The following GPR158 variants were observed in gnomAD, a reference collection of about 807,000 sequenced individuals.
GPR158 encodes G protein-coupled receptor 158.
In GPR158, 30 loss-of-function variants were observed where a neutral mutation model predicts 78.2. The ratio of observed to expected loss-of-function variants is 0.38; its 90% confidence interval spans 0.29 to 0.52. The LOEUF is 0.52. Ranked by LOEUF, GPR158 falls within the 20% of genes least tolerant of loss-of-function variation. The pLI, the probability that GPR158 is intolerant of heterozygous loss-of-function variation, is 0.83. For missense variants in GPR158, 1,463 were observed against 1,523.5 expected (o/e 0.96, Z 0.66); for synonymous variants, 581 against 591.1 (o/e 0.98, Z 0.25).
At chr10:25,519,362 A>G (rs1234252376) in intron 5 of GPR158, among the ~76,000 whole-genome samples, 6 of 140,324 alleles carry the variant, frequency 4.3e-5, no homozygotes, top group African/African-American at 1.8e-4. Flanking sequence ...TGGAGAATTT[A>G]GTCCATTTAC....
chr10:25,462,544 C>G (rs1299545334), intron 4 of GPR158, among the ~76,000 whole-genome samples: 2 of 152,140 alleles, frequency 1.3e-5, no homozygotes, highest in East Asian at 3.9e-4. Context: ...GCAAAGTAAA[C>G]TGAAAACCTC....
intron 2 of GPR158, among the ~76,000 whole-genome samples, chr10:25,321,121 C>T (rs1266854456): frequency 6.6e-6 from 1 of 152,154 alleles, no homozygotes; most frequent in African/African-American, 2.4e-5. Context: ...GACTCAGTTT[C>T]CTCAATTGCA....
Position 25,202,817 on chromosome 10 carries a change from G to A in GPR158, c.903-18235G>A, listed in dbSNP as rs193114008. ...ATGGTATTTCTAGTTCTAGATCCTT[G>A]AGGAATCACCACACTGTCTTCCACA... On this transcript the variant is annotated intron_variant, in intron 1 of 10. Coordinates refer to ENST00000376351, the MANE Select transcript of GPR158 (RefSeq NM_020752.3). Among the ~76,000 whole-genome samples, 108 of 152,284 alleles carry A rather than the reference G, an allele frequency of 7.1e-4. 2 individuals are homozygous for A. In the South Asian group the frequency reaches 8.3e-3, roughly 12 times the overall value.
At chr10:25,383,994 A>G (rs889813823) in intron 2 of GPR158, among the ~76,000 whole-genome samples, 1 of 152,210 alleles carries the variant, frequency 6.6e-6, no homozygotes, top group Non-Finnish European at 1.5e-5. Flanking sequence ...ATAATAACAG[A>G]GTTGCTATAG....
At chr10:25,224,023 C>T (rs976984326) in intron 2 of GPR158, among the ~76,000 whole-genome samples, 1 of 152,026 alleles carries the variant, frequency 6.6e-6, no homozygotes, top group Non-Finnish European at 1.5e-5. Context: ...ATGACAAAAG[C>T]CTCAGGAGCA....
chr10:25,509,774 T>C (rs1292457555), intron 5 of GPR158, among the ~76,000 whole-genome samples: 1 of 152,188 alleles, frequency 6.6e-6, no homozygotes, highest in Non-Finnish European at 1.5e-5. Context: ...TGGAGTGCAG[T>C]GGTGCGATCT....
At chr10:25,302,489 C>A (rs923392658) in intron 2 of GPR158, among the ~76,000 whole-genome samples, 16 of 152,040 alleles carry the variant, frequency 1.1e-4, no homozygotes, top group African/African-American at 3.4e-4. Flanking sequence ...GTCTTCCCTG[C>A]GGATCTTTTT....
rs1273368208 is a variant in GPR158 at position 25,598,210 on chromosome 10, AAAG to A, written c.2589_2591del (p.Glu863del). On this transcript the variant is annotated inframe_deletion, in exon 11 of 11. Transcript: ENST00000376351. ...GGGTAAAAAACTAACACAAAAACTAAAAGAAGACAGCGAGGCTGAGTCCACGGA... is the reference window on the plus strand; with the variant it reads ...GGGTAAAAAACTAACACAAAAACTAAAAGACAGCGAGGCTGAGTCCACGGA... The A allele has an allele frequency of 6.2e-7, 1 of 1,614,088 alleles. No individual in the cohort carries two copies. The highest frequency in any genetic ancestry group is 1.1e-5 in the South Asian group (1 of 91,076).
At chr10:25,410,413 C>T (rs577066962) in intron 3 of GPR158, among the ~76,000 whole-genome samples, 7 of 152,134 alleles carry the variant, frequency 4.6e-5, no homozygotes, top group South Asian at 2.1e-4. Flanking sequence ...GTGATAAGTT[C>T]GAGACCAGCC....
At chr10:25,177,578 T>G (rs1410671147) in intron 1 of GPR158, among the ~76,000 whole-genome samples, 1 of 152,170 alleles carries the variant, frequency 6.6e-6, no homozygotes, top group Non-Finnish European at 1.5e-5. Context: ...GTCAGAAGGC[T>G]TGTTTGTCTT....
chr10:25,327,253 CACACACACACACACACACAGAAACACAA>C (rs750909245), intron 2 of GPR158, among the ~76,000 whole-genome samples: 47 of 148,364 alleles, frequency 3.2e-4, no homozygotes, highest in Non-Finnish European at 5.1e-4. Context: ...CACTTACAAA[CACACACACACACACACACAGAAACACAA>C]ACACACACAC....
At chr10:25,286,923 G>C (rs1854358521) in intron 2 of GPR158, among the ~76,000 whole-genome samples, 2 of 152,090 alleles carry the variant, frequency 1.3e-5, no homozygotes, top group Admixed American at 6.5e-5. Flanking sequence ...TCTTCCCTTT[G>C]TGCTGTGCCT....
intron 2 of GPR158, among the ~76,000 whole-genome samples, chr10:25,341,028 G>T (rs1855295945): frequency 6.6e-6 from 1 of 151,982 alleles, no homozygotes; most frequent in Admixed American, 6.6e-5. Context: ...CTGTTAGATA[G>T]GATGGAAGGC....
At chr10:25,498,290 G>A (rs115644348) in intron 5 of GPR158, among the ~76,000 whole-genome samples, 4 of 152,274 alleles carry the variant, frequency 2.6e-5, no homozygotes, top group East Asian at 1.9e-4. Flanking sequence ...ATGTGTGTGC[G>A]TGTTGTGTAA....
intron 2 of GPR158, among the ~76,000 whole-genome samples, chr10:25,287,861 C>T (rs1353700533): frequency 2.0e-5 from 3 of 151,952 alleles, no homozygotes; most frequent in Non-Finnish European, 4.4e-5. Context: ...CAACCTTCTG[C>T]GTCCCAAGTA....
Position 25,217,247 on chromosome 10 carries a change from T to G in GPR158, c.903-3805T>G, listed in dbSNP as rs571839560. On this transcript the variant is annotated intron_variant, in intron 1 of 10. Coordinates refer to ENST00000376351, the MANE Select transcript of GPR158 (RefSeq NM_020752.3). ...CTAGGCTTTGGGTAGTTTTGCAAAC[T>G]GGAGGAACTTTAGGATTTTTTTAGT... 1.1e-3 allele frequency among the ~76,000 whole-genome samples: 171 copies of G among 152,310 alleles called. 1 individual carries two copies. In the Middle Eastern group the frequency reaches 0.031, roughly 27 times the overall value.
At chr10:25,531,550 T>C (rs1480441087) in intron 5 of GPR158, among the ~76,000 whole-genome samples, 1 of 152,188 alleles carries the variant, frequency 6.6e-6, no homozygotes, top group Non-Finnish European at 1.5e-5. Context: ...AATAAGAAAG[T>C]GTCCTCTCGA....
intron 4 of GPR158, among the ~76,000 whole-genome samples, chr10:25,437,928 G>C (rs1343788533): frequency 6.6e-6 from 1 of 152,176 alleles, no homozygotes; most frequent in African/African-American, 2.4e-5. Context: ...TTAGCAAAAG[G>C]AGAGAATAAC....
intron 2 of GPR158, among the ~76,000 whole-genome samples, chr10:25,375,373 G>A (rs188516152): frequency 7.9e-5 from 12 of 151,620 alleles, no homozygotes; most frequent in Non-Finnish European, 1.6e-4. Flanking sequence ...TAATTTTGAT[G>A]AAGTCCAATT....
Sources: allele counts gnomAD v4.1 joint callset (sites outside exome capture counted in the v4.1 genomes callset), GRCh38; gene constraint gnomAD v4.1.1; transcripts MANE v1.5; gene names NCBI Gene and HGNC (gene_info 2026-07-23, HGNC 2026-07-21).